Variants in DOCK5 observed in about 807,000 individuals in gnomAD.
DOCK5 encodes the protein dedicator of cytokinesis 5.
A neutral mutation model predicts 251.8 loss-of-function variants in DOCK5; 142 were observed. That is an observed-to-expected ratio of 0.56 (90% CI 0.49 to 0.65). The LOEUF (loss-of-function observed/expected upper bound fraction) is 0.65, where lower values mean the gene tolerates loss of function less well. Ranked by LOEUF, DOCK5 falls within the 30% of genes least tolerant of loss-of-function variation. The pLI, the probability that DOCK5 is intolerant of heterozygous loss-of-function variation, is 0.00. For synonymous variants in DOCK5, 842 were observed against 835.5 expected, an observed-to-expected ratio of 1.01 and a Z score of -0.13; for missense variants, 2,111 against 2,312.3, an observed-to-expected ratio of 0.91 and a Z score of 1.79.
At chr8:25,229,952 T>G (rs1802627507) in intron 1 of DOCK5, among the ~76,000 whole-genome samples, 1 of 152,216 alleles carries the variant, frequency 6.6e-6, no homozygotes, top group African/African-American at 2.4e-5. Context: ...CTTTTAATTC[T>G]CTATGATTTT....
At chr8:25,231,329 A>G (rs1024644469) in intron 1 of DOCK5, among the ~76,000 whole-genome samples, 8 of 152,184 alleles carry the variant, frequency 5.3e-5, no homozygotes, top group Admixed American at 2.0e-4. Flanking sequence ...TCAAAGGGCT[A>G]TCACACACAG....
rs1465141878 is a variant in DOCK5 at position 25,403,598 on chromosome 8, C to G, written c.4967C>G (p.Ser1656Cys). ...GAGAGGAAGCAAAGCCGCACGGGGTCTATTGTGCTCCCCTACATCATGTCT... is the reference window on the plus strand; with the variant it reads ...GAGAGGAAGCAAAGCCGCACGGGGTGTATTGTGCTCCCCTACATCATGTCT... ...LTERKQSRTGSIVLPYIMSST... is the reference protein window; with the variant it reads ...LTERKQSRTGCIVLPYIMSST... The change falls in exon 48 of 52, where the codon TCT becomes TGT. Residue 1656 changes from serine (S) to cysteine (C), a missense_variant. Ser to Cys is a moderately radical substitution (Grantham distance 112). Coordinates refer to ENST00000276440, the MANE Select transcript of DOCK5 (RefSeq NM_024940.8). 2 of 1,613,966 alleles carry G rather than the reference C, an allele frequency of 1.2e-6. No individual in the cohort carries two copies. The highest frequency in any genetic ancestry group is 4.5e-5 in the East Asian group (2 of 44,878).
At chr8:25,349,110 A>G (rs181438692) in intron 26 of DOCK5, among the ~76,000 whole-genome samples, 130 of 152,346 alleles carry the variant, frequency 8.5e-4, no homozygotes, top group Non-Finnish European at 1.8e-4. Context: ...AGAAGAAGGG[A>G]CAGAGGGAAG....
intron 1 of DOCK5, among the ~76,000 whole-genome samples, chr8:25,202,082 TC>T (rs1801894349): frequency 6.6e-6 from 1 of 152,162 alleles, no homozygotes; most frequent in South Asian, 2.1e-4. Context: ...AGTGGCACAA[TC>T]GTGGCTCACT....
At chr8:25,362,462 CTTT>C (rs869096662) in intron 28 of DOCK5, among the ~76,000 whole-genome samples, 1 of 54,646 alleles carries the variant, frequency 1.8e-5, no homozygotes, top group African/African-American at 5.8e-5. Flanking sequence ...CTTTTCTTTT[CTTT>C]TTTTTTTTTT....
chr8:25,369,718 A>G (rs2048082), intron 34 of DOCK5, 77 bp downstream of exon 34: 629,313 of 1,272,834 alleles, frequency 0.49, 157,034 homozygotes, highest in Middle Eastern at 0.56. Flanking sequence ...CTGTTTCACC[A>G]ATAGAGCAAT....
At position 25,323,865 on chromosome 8, in the gene DOCK5, C is replaced by T. The variant is rs778453756; in HGVS notation, c.1633C>T (p.Arg545Ter). Reference protein sequence around the residue: ...SSQETRDKSERAFGVAFVKLM... With the variant: ...SSQETRDKSE ...CTTTTCAGCCAGAGATAAATCGGAGCGAGCATTTGGGGTGGCCTTCGTGAA... is the reference window on the plus strand; with the variant it reads ...CTTTTCAGCCAGAGATAAATCGGAGTGAGCATTTGGGGTGGCCTTCGTGAA... Residue 545 changes from arginine (R) to a stop codon, truncating the protein, a stop_gained, in exon 17 of 52, where the codon CGA becomes TGA. Transcript: ENST00000276440. LOFTEE classifies it high-confidence loss of function. 10 of 1,613,180 alleles carry T rather than the reference C, an allele frequency of 6.2e-6. No homozygotes were observed. In the East Asian group the frequency reaches 6.7e-5, roughly 11 times the overall value.
chr8:25,279,756 A>C (rs1026962373), intron 5 of DOCK5, among the ~76,000 whole-genome samples: 1 of 151,480 alleles, frequency 6.6e-6, no homozygotes, highest in African/African-American at 2.4e-5. Flanking sequence ...CTGGGACTAT[A>C]GGCGTGTGCC....
At chr8:25,406,205 G>T (rs1208695443) in intron 48 of DOCK5, among the ~76,000 whole-genome samples, 1 of 152,056 alleles carries the variant, frequency 6.6e-6, no homozygotes, top group Non-Finnish European at 1.5e-5. Flanking sequence ...TGATTCGCCC[G>T]CCTCAGCTTC....
At chr8:25,270,404 C>T (rs1319298727) in intron 3 of DOCK5, among the ~76,000 whole-genome samples, 2 of 152,056 alleles carry the variant, frequency 1.3e-5, no homozygotes, top group Non-Finnish European at 2.9e-5. Flanking sequence ...GCTTTTTTAG[C>T]CCTATTGGTG....
chr8:25,324,968 A>G (rs1048375204), intron 17 of DOCK5, among the ~76,000 whole-genome samples: 6 of 152,034 alleles, frequency 3.9e-5, no homozygotes, highest in Non-Finnish European at 4.4e-5. Flanking sequence ...CCTACAAAGG[A>G]CATGAACTCA....
At position 25,346,608 on chromosome 8, in the gene DOCK5, G is replaced by A. The variant is rs1454692823; in HGVS notation, c.2754+997G>A. ...TGGGAGGCCGAGGTGGATGGATCACGAGGTCAGGAGATCGAGACCATCCTG... is the reference window on the plus strand; with the variant it reads ...TGGGAGGCCGAGGTGGATGGATCACAAGGTCAGGAGATCGAGACCATCCTG... On this transcript the variant is annotated intron_variant, in intron 26 of 51. Transcript: ENST00000276440. 4.1e-5 allele frequency among the ~76,000 whole-genome samples: 4 copies of A among 97,892 alleles called. 1 individual carries two copies. Among genetic ancestry groups the A allele is most frequent in the African/African-American group, 8.4e-5 (2 of 23,782 alleles). The allele number at this position is 97,892 out of a possible 152,430, so 64.2% of individuals were successfully genotyped here.
At chr8:25,250,283 A>G (rs73558467) in intron 2 of DOCK5, among the ~76,000 whole-genome samples, 149 of 152,334 alleles carry the variant, frequency 9.8e-4, no homozygotes, top group African/African-American at 3.0e-3. Flanking sequence ...AAGAAGCAGA[A>G]CTGACTGAGA....
chr8:25,294,515 T>C (rs925793620), intron 6 of DOCK5, among the ~76,000 whole-genome samples: 1 of 152,086 alleles, frequency 6.6e-6, no homozygotes, highest in African/African-American at 2.4e-5. Flanking sequence ...AAGCAAAATT[T>C]TTTCTACTTC....
At chr8:25,304,178 G>T in intron 10 of DOCK5, 77 bp from the exon 11 acceptor site, 1 of 1,252,962 alleles carries the variant, frequency 8.0e-7, no homozygotes, top group South Asian at 1.5e-5. Flanking sequence ...GATGTTTGCT[G>T]ATACTGTCCT....
intron 15 of DOCK5, among the ~76,000 whole-genome samples, chr8:25,319,938 C>G (rs549185418): frequency 1.1e-3 from 164 of 152,292 alleles, no homozygotes; most frequent in African/African-American, 3.8e-3. Flanking sequence ...TGGTACAAAA[C>G]CAAACAGAAA....
chr8:25,377,874 C>A (rs1201260603), intron 38 of DOCK5, among the ~76,000 whole-genome samples: 2 of 151,822 alleles, frequency 1.3e-5, no homozygotes, highest in Non-Finnish European at 2.9e-5. Context: ...GGAAGCTCAC[C>A]CAAGCCATGG....
chr8:25,344,340 C>T (rs544968937), intron 25 of DOCK5, among the ~76,000 whole-genome samples: 23 of 152,276 alleles, frequency 1.5e-4, no homozygotes, highest in South Asian at 1.4e-3. Context: ...GAGGCAGCCA[C>T]GGAGACTTCT....
chr8:25,251,941 A>G (rs1363748092), intron 2 of DOCK5, among the ~76,000 whole-genome samples: 1 of 151,590 alleles, frequency 6.6e-6, no homozygotes, highest in African/African-American at 2.4e-5. Flanking sequence ...GTGAGCTGAG[A>G]TCACGCGTGC....
Sources: gnomAD v4.1 joint callset for allele counts (sites outside exome capture counted in the v4.1 genomes callset) on GRCh38, gnomAD v4.1.1 for gene constraint, MANE v1.5 for transcripts, NCBI Gene and HGNC (gene_info 2026-07-23, HGNC 2026-07-21) for gene names.